GPHN: variants seen among roughly 807,000 people sequenced by gnomAD.
GPHN encodes the protein gephyrin.
A neutral mutation model predicts 95.5 loss-of-function variants in GPHN; 17 were observed. That is an observed-to-expected ratio of 0.18 (90% CI 0.12 to 0.27). The LOEUF (loss-of-function observed/expected upper bound fraction) is 0.27. Ranked by LOEUF, GPHN falls within the 10% of genes least tolerant of loss-of-function variation. The pLI is 1.00. For synonymous variants in GPHN, 320 were observed against 322.5 expected (o/e 0.99, Z 0.08); for missense variants, 660 against 978.1 (o/e 0.67, Z 4.34).
At chr14:67,503,871 T>G in the GPHN span, among the ~76,000 whole-genome samples, 5 of 150,906 alleles carry the variant, frequency 3.3e-5, no homozygotes, top group South Asian at 1.0e-3. Flanking sequence ...GCCTGGTTAA[T>G]TTTTGTATTT....
intron 1 of GPHN, among the ~76,000 whole-genome samples, chr14:66,673,182 T>C (rs1414048670): frequency 6.6e-6 from 1 of 152,210 alleles, no homozygotes; most frequent in Non-Finnish European, 1.5e-5. Flanking sequence ...AACCTCCGCC[T>C]CCTGGGTTCA....
intron 3 of GPHN, among the ~76,000 whole-genome samples, chr14:66,801,796 C>T (rs1279503635): frequency 6.7e-6 from 1 of 149,618 alleles, no homozygotes; most frequent in Non-Finnish European, 1.5e-5. Context: ...TCTATGCCCG[C>T]TCCCGCTCCC....
chr14:67,058,952 A>T (rs1400575809), intron 11 of GPHN, 166 bp downstream of exon 11: 5 of 695,746 alleles, frequency 7.2e-6, no homozygotes, highest in African/African-American at 3.6e-5. Flanking sequence ...AAAAAGGCTA[A>T]GGGTTCAGCC....
chr14:67,299,626 A>G, the GPHN span, among the ~76,000 whole-genome samples: 669 of 152,332 alleles, frequency 4.4e-3, 6 homozygotes, highest in Middle Eastern at 0.031. Flanking sequence ...GAATAAAAGA[A>G]TAGCCTTTTA....
intron 8 of GPHN, among the ~76,000 whole-genome samples, chr14:66,926,517 C>T (rs1185305017): frequency 1.3e-5 from 2 of 152,108 alleles, no homozygotes; most frequent in African/African-American, 4.8e-5. Flanking sequence ...TGTCCTTTCC[C>T]CAATGTATGT....
the GPHN span, among the ~76,000 whole-genome samples, chr14:67,212,473 C>G: frequency 1.3e-5 from 2 of 151,058 alleles, no homozygotes; most frequent in African/African-American, 2.4e-5. Context: ...TGCCTGTAGT[C>G]CCAGTTATTA....
the GPHN span, chr14:67,270,222 C>T: frequency 6.6e-6 from 1 of 152,162 alleles, no homozygotes; most frequent in Non-Finnish European, 1.5e-5. Flanking sequence ...TATTTAGCTT[C>T]CCATTGCCCC....
chr14:66,802,054 G>A (rs892360291), intron 3 of GPHN, among the ~76,000 whole-genome samples: 1 of 152,154 alleles, frequency 6.6e-6, no homozygotes, highest in Non-Finnish European at 1.5e-5. Context: ...CGTCAGGGCA[G>A]CAAGTTCCCC....
intron 5 of GPHN, among the ~76,000 whole-genome samples, chr14:66,905,309 C>T (rs1016841905): frequency 6.6e-6 from 1 of 151,992 alleles, no homozygotes; most frequent in African/African-American, 2.4e-5. Context: ...AAATTTTTAT[C>T]ATAAATTTTG....
chr14:67,562,099 G>T, the GPHN span: 12 of 884,700 alleles, frequency 1.4e-5, no homozygotes, highest in Admixed American at 6.0e-5. Flanking sequence ...GCTGAGCTAC[G>T]GGAGCTCTCA....
chr14:66,539,815 T>C (rs913607435), intron 1 of GPHN, among the ~76,000 whole-genome samples: 3 of 152,110 alleles, frequency 2.0e-5, no homozygotes, highest in African/African-American at 7.2e-5. Context: ...GGAAATAAAA[T>C]AGGAGATGGT....
chr14:67,486,105 C>G, the GPHN span, among the ~76,000 whole-genome samples: 4,136 of 152,352 alleles, frequency 0.027, 177 homozygotes, highest in African/African-American at 0.092. Context: ...TCGCTTCACT[C>G]ACGCCAGACA....
chr14:67,527,636 C>A, the GPHN span, among the ~76,000 whole-genome samples: 1 of 152,202 alleles, frequency 6.6e-6, no homozygotes, highest in African/African-American at 2.4e-5. Context: ...TTCAGCAATT[C>A]TCAGATAAAC....
At chr14:66,872,086 T>C (rs2063463602) in intron 4 of GPHN, among the ~76,000 whole-genome samples, 1 of 152,246 alleles carries the variant, frequency 6.6e-6, no homozygotes, top group South Asian at 2.1e-4. Flanking sequence ...GCATCAATTC[T>C]GCTAATCCTG....
chr14:66,689,903 G>C (rs1034404161), intron 2 of GPHN, among the ~76,000 whole-genome samples: 69 of 151,626 alleles, frequency 4.6e-4, no homozygotes, highest in Admixed American at 7.2e-4. Context: ...TTATTTATTT[G>C]AGTCTTTTTT....
chr14:66,723,047 T>C (rs978515722), intron 2 of GPHN, among the ~76,000 whole-genome samples: 4 of 152,070 alleles, frequency 2.6e-5, no homozygotes, highest in African/African-American at 9.7e-5. Flanking sequence ...TAGGGTTTTT[T>C]CCTGATTAGA....
chr14:66,674,492 A>G (rs549767419), intron 1 of GPHN, among the ~76,000 whole-genome samples: 2 of 152,046 alleles, frequency 1.3e-5, no homozygotes, highest in South Asian at 2.1e-4. Flanking sequence ...AGCAACCACA[A>G]TTCTACTCTC....
At chr14:67,167,790 T>A (rs1354850062) in intron 20 of GPHN, among the ~76,000 whole-genome samples, 1 of 152,210 alleles carries the variant, frequency 6.6e-6, no homozygotes, top group Non-Finnish European at 1.5e-5. Flanking sequence ...TCCAAACCTT[T>A]CATTTCATAG....
At chr14:67,548,497 A>T in the GPHN span, among the ~76,000 whole-genome samples, 1 of 152,190 alleles carries the variant, frequency 6.6e-6, no homozygotes, top group African/African-American at 2.4e-5. Context: ...CGGGAGTTTG[A>T]GACCAGCCTG....
Sources: gnomAD v4.1 joint callset for allele counts (sites outside exome capture counted in the v4.1 genomes callset) on GRCh38, gnomAD v4.1.1 for gene constraint, MANE v1.5 for transcripts, NCBI Gene and HGNC (gene_info 2026-07-23, HGNC 2026-07-21) for gene names.